The following WWOX variants were observed in gnomAD, a reference collection of about 807,000 sequenced individuals.
The protein encoded by WWOX is WW domain-containing oxidoreductase.
Under a neutral mutation model 46.2 loss-of-function variants are expected in WWOX, and 69 were observed. The ratio of observed to expected loss-of-function variants is 1.49; its 90% confidence interval spans 1.23 to 1.82. WWOX has a LOEUF of 1.82. WWOX is among the 40% of genes most tolerant of loss of function. The pLI, the probability that WWOX is intolerant of heterozygous loss-of-function variation, is 0.00. For synonymous variants in WWOX, 359 were observed against 202.6 expected, an observed-to-expected ratio of 1.77 and a Z score of -6.56; for missense variants, 919 against 542.6, an observed-to-expected ratio of 1.69 and a Z score of -6.89.
chr16:78,125,116 C>T lies in WWOX; in HGVS notation c.409+9962C>T, dbSNP rs375454378. 1.3e-3 allele frequency among the ~76,000 whole-genome samples: 205 copies of T among 152,180 alleles called. 6 individuals are homozygous for T. The South Asian group carries it at 0.037, about 28-fold the overall frequency. Reference sequence around the variant, plus strand: ...ACAATGTACTTAATTGTTACAGATTCGTATTTATTGATTATCATGTTGTAT... The same window carrying T: ...ACAATGTACTTAATTGTTACAGATTTGTATTTATTGATTATCATGTTGTAT... On this transcript the variant is annotated intron_variant, in intron 4 of 8. Coordinates refer to ENST00000566780, the MANE Select transcript of WWOX (RefSeq NM_016373.4).
chr16:78,832,840 G>T (rs1423022974), intron 8 of WWOX, among the ~76,000 whole-genome samples: 1 of 152,152 alleles, frequency 6.6e-6, no homozygotes, highest in Non-Finnish European at 1.5e-5. Context: ...CCCAAAGACA[G>T]ATGACATCCA....
intron 8 of WWOX, among the ~76,000 whole-genome samples, chr16:79,125,490 G>A (rs1407969168): frequency 6.6e-6 from 1 of 152,174 alleles, no homozygotes; most frequent in East Asian, 1.9e-4. Flanking sequence ...ATTTTTATGG[G>A]ATCCAGTACG....
chr16:79,052,740 C>T (rs867954507), intron 8 of WWOX, among the ~76,000 whole-genome samples: 20 of 152,136 alleles, frequency 1.3e-4, no homozygotes, highest in African/African-American at 3.9e-4. Flanking sequence ...AAACTGCTGG[C>T]GAGTGTACCC....
intron 8 of WWOX, among the ~76,000 whole-genome samples, chr16:78,949,309 C>A (rs948808698): frequency 6.6e-6 from 1 of 152,110 alleles, no homozygotes; most frequent in African/African-American, 2.4e-5. Flanking sequence ...TGACTAGATA[C>A]GTTTTTTTAA....
intron 5 of WWOX, among the ~76,000 whole-genome samples, chr16:78,354,999 G>T (rs1259021187): frequency 6.6e-6 from 1 of 152,068 alleles, no homozygotes; most frequent in Non-Finnish European, 1.5e-5. Flanking sequence ...GGGAGTGGTG[G>T]TGCATGTCTG....
intron 8 of WWOX, among the ~76,000 whole-genome samples, chr16:78,736,051 G>C (rs2049084298): frequency 2.0e-5 from 3 of 152,210 alleles, no homozygotes; most frequent in South Asian, 4.1e-4. Flanking sequence ...TAGAGATGAA[G>C]ACAGGGATTC....
intron 8 of WWOX, among the ~76,000 whole-genome samples, chr16:78,593,459 T>A (rs1365253814): frequency 6.6e-6 from 1 of 152,168 alleles, no homozygotes; most frequent in Admixed American, 6.5e-5. Flanking sequence ...TCAGGATTGA[T>A]CACAAAATCA....
At chr16:78,948,970 G>A (rs1271149886) in intron 8 of WWOX, among the ~76,000 whole-genome samples, 1 of 152,148 alleles carries the variant, frequency 6.6e-6, no homozygotes, top group African/African-American at 2.4e-5. Flanking sequence ...TTCACGTACT[G>A]CCACTGGCTT....
intron 8 of WWOX, among the ~76,000 whole-genome samples, chr16:79,107,753 A>T (rs1285472179): frequency 6.6e-6 from 1 of 152,228 alleles, no homozygotes; most frequent in Admixed American, 6.5e-5. Flanking sequence ...ATTTCTCCCA[A>T]GGAAATCATT....
chr16:78,909,400 T>C (rs2045050673), intron 8 of WWOX, among the ~76,000 whole-genome samples: 1 of 152,212 alleles, frequency 6.6e-6, no homozygotes, highest in Admixed American at 6.5e-5. Flanking sequence ...TATTAAACTT[T>C]ATGGACCATA....
chr16:78,310,471 C>T (rs751033891), intron 5 of WWOX, among the ~76,000 whole-genome samples: 25 of 152,212 alleles, frequency 1.6e-4, no homozygotes, highest in Non-Finnish European at 3.1e-4. Context: ...AAGGCCAAAT[C>T]ACCAGATTGA....
rs11386735 is a variant in WWOX at position 78,674,278 on chromosome 16, C to CTTTT, written c.1056+241539_1056+241542dup. Among the ~76,000 whole-genome samples the CTTTT allele has an allele frequency of 1.6e-4, 22 of 138,710 alleles. No individual in the cohort carries two copies. The East Asian group carries it at 2.7e-3, about 17-fold the overall frequency. 91.0% of individuals were successfully genotyped at this position (138,710 alleles called of 152,430 possible). On this transcript the variant is annotated intron_variant, in intron 8 of 8. Transcript: ENST00000566780. ...ATCCAACTCGTTCCAACCAGTTCATCTTTTTTTTTTTTTTTTCTTTTTTCG... is the reference window on the plus strand; with the variant it reads ...ATCCAACTCGTTCCAACCAGTTCATCTTTTTTTTTTTTTTTTTTTTCTTTTTTCG...
At chr16:78,730,965 C>G (rs538686593) in intron 8 of WWOX, among the ~76,000 whole-genome samples, 2 of 152,198 alleles carry the variant, frequency 1.3e-5, no homozygotes, top group East Asian at 1.9e-4. Context: ...TTATCATTAA[C>G]AAAGTAACTC....
At chr16:78,804,193 G>A (rs1400222608) in intron 8 of WWOX, among the ~76,000 whole-genome samples, 2 of 152,084 alleles carry the variant, frequency 1.3e-5, no homozygotes, top group Non-Finnish European at 2.9e-5. Context: ...AAGAGCCCAG[G>A]AACTGCAGTC....
chr16:78,598,685 G>A (rs1035050886), intron 8 of WWOX, among the ~76,000 whole-genome samples: 1 of 152,138 alleles, frequency 6.6e-6, no homozygotes, highest in Non-Finnish European at 1.5e-5. Flanking sequence ...TGAAGCAGGA[G>A]CATCTCTCCC....
chr16:78,732,216 A>G (rs747295835), intron 8 of WWOX, among the ~76,000 whole-genome samples: 13 of 152,126 alleles, frequency 8.5e-5, no homozygotes, highest in Admixed American at 2.6e-4. Context: ...AGAATATGGT[A>G]CAGGTGACGC....
At chr16:78,641,218 C>G (rs1037950839) in intron 8 of WWOX, among the ~76,000 whole-genome samples, 3 of 151,862 alleles carry the variant, frequency 2.0e-5, no homozygotes, top group African/African-American at 7.3e-5. Context: ...TTTTTCAGGT[C>G]TAAGTTTCCC....
rs899205512 is a variant in WWOX at position 78,919,425 on chromosome 16, T to C, written c.1057-292183T>C. Among the ~76,000 whole-genome samples the C allele has an allele frequency of 2.6e-5, 4 of 152,154 alleles. No homozygotes were observed. In the East Asian group the frequency reaches 5.8e-4, roughly 22 times the overall value. Reference sequence around the variant, plus strand: ...TCCATGGTCTAGCACAGGATCACCATTGGTAGATCATCACTTAGAATGCCA... The same window carrying C: ...TCCATGGTCTAGCACAGGATCACCACTGGTAGATCATCACTTAGAATGCCA... On this transcript the variant is annotated intron_variant, in intron 8 of 8. Coordinates refer to ENST00000566780, the MANE Select transcript of WWOX (RefSeq NM_016373.4).
intron 8 of WWOX, among the ~76,000 whole-genome samples, chr16:78,731,845 C>CTTT (rs200790501): frequency 2.3e-5 from 3 of 129,122 alleles, no homozygotes; most frequent in Admixed American, 9.4e-5. Context: ...TTTTCTTTCT[C>CTTT]TTTTTTTTTT....
Sources: allele counts gnomAD v4.1 joint callset (sites outside exome capture counted in the v4.1 genomes callset), GRCh38; gene constraint gnomAD v4.1.1; transcripts MANE v1.5; gene names NCBI Gene and HGNC (gene_info 2026-07-23, HGNC 2026-07-21).